Variants in ERCC6 observed in about 807,000 individuals in gnomAD.
The protein encoded by ERCC6 is DNA excision repair protein ERCC-6.
Under a neutral mutation model 158.7 loss-of-function variants are expected in ERCC6, and 116 were observed. The ratio of observed to expected loss-of-function variants is 0.73; its 90% CI spans 0.63 to 0.85. The LOEUF is 0.85. Among genes scored for constraint, ERCC6 ranks in the 40% least tolerant of loss-of-function variants. The probability of loss-of-function intolerance (pLI) is 0.00; values close to 1 mark genes in which losing one functional copy is unlikely to be tolerated. For synonymous variants in ERCC6, 678 were observed against 659.3 expected (o/e 1.03, Z -0.43); for missense variants, 1,698 against 1,799.4 (o/e 0.94, Z 1.02).
At chr10:49,453,125 T>C (rs1467970140), downstream of ERCC6, among the ~76,000 whole-genome samples, 1 of 152,152 alleles carries the variant, frequency 6.6e-6, no homozygotes, top group Non-Finnish European at 1.5e-5. Context: ...TCTTTTAATA[T>C]TGCCTTTTGC....
intron 1 of ERCC6, among the ~76,000 whole-genome samples, chr10:49,534,143 A>C (rs1322003430): frequency 3.4e-5 from 5 of 148,378 alleles, no homozygotes; most frequent in Admixed American, 6.7e-5. Flanking sequence ...CAAAAAAAAA[A>C]AAAAAAAAAA....
chr10:49,470,256 T>C lies in ERCC6; in HGVS notation c.3704A>G (p.Asp1235Gly). The change falls in exon 18 of 21, where the codon GAC becomes GGC. Residue 1235 changes from aspartate (D) to glycine (G), a missense_variant. By Grantham distance (94) the Asp-to-Gly change is moderately conservative. Coordinates refer to ENST00000355832, the MANE Select transcript of ERCC6 (RefSeq NM_000124.4). ...LVKKRRYQKQ[D>G]SENKSEAKEQ... ...CTTGGCCTCACTCTTGTTTTCACTG[T>C]CTTGCTTCTGGTAACGCCTTTTCTT... 7.4e-6 allele frequency: 12 copies of C among 1,614,210 alleles called. No homozygotes were observed. The highest frequency in any genetic ancestry group is 1.0e-5 in the Non-Finnish European group (12 of 1,180,034).
chr10:49,517,222 A>G (rs1408486031), intron 5 of ERCC6: 21 of 1,446,116 alleles, frequency 1.5e-5, no homozygotes, highest in Non-Finnish European at 1.8e-5. Context: ...CTAATGCAAT[A>G]ATAATACTTT....
downstream of ERCC6, among the ~76,000 whole-genome samples, chr10:49,449,551 T>C (rs1850394960): frequency 6.8e-6 from 1 of 148,016 alleles, no homozygotes; most frequent in African/African-American, 2.5e-5. Context: ...TTTGCTTTGA[T>C]AGTTAGGTCT....
At chr10:49,533,108 T>C (rs942446245) in intron 1 of ERCC6, 130 bp from the exon 2 acceptor site, 15 of 1,140,996 alleles carry the variant, frequency 1.3e-5, no homozygotes, top group African/African-American at 3.1e-5. Context: ...TAAATTCAAG[T>C]TTCCAAGTAT....
chr10:49,485,820 A>G (rs1186892712), intron 8 of ERCC6, among the ~76,000 whole-genome samples: 1 of 152,206 alleles, frequency 6.6e-6, no homozygotes, highest in African/African-American at 2.4e-5. Context: ...TATAAAACAG[A>G]AAACAAAATA....
rs113282441 is a variant in ERCC6, at chr10:49,507,146, C to T, written c.1398-1134G>A. ...TATCCATTACAAAACCACACAGAGC[C>T]CAATGCTAGTATGTAGGTAGCTACT... On this transcript the variant is annotated intron_variant, in intron 5 of 20. Transcript: ENST00000355832. Among the ~76,000 whole-genome samples, 94 of 152,190 alleles carry T rather than the reference C, an allele frequency of 6.2e-4. 1 individual carries two copies. The highest frequency in any genetic ancestry group is 2.2e-3 in the African/African-American group (90 of 41,528).
In ERCC6 at chr10:49,511,299, A is replaced by G. The variant is rs192681212; in HGVS notation, c.1398-5287T>C. On this transcript the variant is annotated intron_variant, in intron 5 of 20. Coordinates refer to ENST00000355832, the MANE Select transcript of ERCC6 (RefSeq NM_000124.4). ...TGGGAAAAAAGTCTAGACTTAAACT[A>G]TATTTACATTACTAGGAAGGAAATA... 3.3e-3 allele frequency among the ~76,000 whole-genome samples: 502 copies of G among 152,276 alleles called. 2 individuals are homozygous for G. Among genetic ancestry groups the G allele is most frequent in the Non-Finnish European group, 3.3e-3 (225 of 68,020 alleles).
chr10:49,494,780 A>G (rs1851236554), intron 7 of ERCC6, among the ~76,000 whole-genome samples: 2 of 152,204 alleles, frequency 1.3e-5, no homozygotes, highest in Non-Finnish European at 2.9e-5. Context: ...TTCTGGCTAC[A>G]TGTACAGACC....
chr10:49,537,508 T>TACAC (rs36057162), intron 1 of ERCC6, among the ~76,000 whole-genome samples: 25,661 of 145,494 alleles, frequency 0.18, 2,371 homozygotes, highest in South Asian at 0.31. Context: ...TATATACACA[T>TACAC]ACACACACAC....
At chr10:49,537,546 T>C (rs1837631413) in intron 1 of ERCC6, among the ~76,000 whole-genome samples, 1 of 151,004 alleles carries the variant, frequency 6.6e-6, no homozygotes, top group South Asian at 2.1e-4. Context: ...AATATAATTG[T>C]GGTGACTGCT....
Position 49,459,126 on chromosome 10 carries a change from C to A in ERCC6, c.4171G>T (p.Ala1391Ser). 1 of 1,614,170 alleles carries A rather than the reference C, an allele frequency of 6.2e-7. No homozygotes were observed. The highest frequency in any genetic ancestry group is 8.5e-7 in the Non-Finnish European group (1 of 1,180,038). Residue 1391 changes from alanine to serine, a missense_variant, in exon 21 of 21, where the codon GCT becomes TCT. Transcript: ENST00000355832. ...AGGTGGTTTCTAGCTCTCATTTTAG[C>A]CAAGAGTGAGGAGGAAGCGAGGGGC... Reference protein sequence around the residue: ...SGPLASSSLLAKMRARNHLIL... With the variant: ...SGPLASSSLLSKMRARNHLIL...
chr10:49,515,469 T>C (rs1347332444), intron 5 of ERCC6: 3 of 1,614,184 alleles, frequency 1.9e-6, no homozygotes, highest in Non-Finnish European at 1.7e-6. Context: ...ATTTATGCCA[T>C]CATAACGTGA....
intron 7 of ERCC6, among the ~76,000 whole-genome samples, chr10:49,500,200 T>G (rs1851333412): frequency 6.6e-6 from 1 of 152,230 alleles, no homozygotes; most frequent in Admixed American, 6.5e-5. Flanking sequence ...TTCCATATTG[T>G]GTAAACTATT....
downstream of ERCC6, among the ~76,000 whole-genome samples, chr10:49,451,005 G>A (rs902225724): frequency 1.3e-5 from 2 of 151,906 alleles, no homozygotes; most frequent in Non-Finnish European, 2.9e-5. Context: ...TGGAGACAGG[G>A]TTTCACCGTG....
intron 5 of ERCC6, among the ~76,000 whole-genome samples, chr10:49,522,148 T>C (rs1453449583): frequency 3.3e-5 from 5 of 152,232 alleles, no homozygotes; most frequent in Non-Finnish European, 7.3e-5. Flanking sequence ...TTTATTCTAA[T>C]CATCCATCGT....
Position 49,473,602 on chromosome 10 carries a change from G to T in ERCC6, c.2599-15C>A, listed in dbSNP as rs1366189558. 2.7e-6 allele frequency: 4 copies of T among 1,474,070 alleles called. No homozygotes were observed. The highest frequency in any genetic ancestry group is 3.8e-6 in the Non-Finnish European group (4 of 1,052,356). 91.3% of individuals were successfully genotyped at this position (1,474,070 alleles called of 1,614,324 possible). ...ATGTCCAGCATCTGTTTGGAGGTGG[G>T]GGATAGGAGTTTGCAAAGCAAATAC... On this transcript the variant is annotated splice_polypyrimidine_tract_variant and intron_variant, in intron 13 of 20. Transcript: ENST00000355832.
At position 49,505,957 on chromosome 10, in the gene ERCC6, C is replaced by T. The variant is rs750088876; in HGVS notation, c.1453G>A (p.Asp485Asn). ...AATTCAGCATCACTTTCCTCAGAAT[C>T]GTCCTCCAGCTTCAGACGTTTCTCT... is the stretch of plus-strand genomic sequence containing the variant. ...DKEKRLKLED[D>N]SEESDAEFDE... The change falls in exon 6 of 21, where the codon GAT becomes AAT. Residue 485 changes from aspartate to asparagine, a missense_variant. Coordinates refer to ENST00000355832, the MANE Select transcript of ERCC6 (RefSeq NM_000124.4). The T allele has an allele frequency of 6.2e-6, 10 of 1,613,532 alleles. No individual in the cohort carries two copies. Among genetic ancestry groups the T allele is most frequent in the Middle Eastern group, 1.7e-4 (1 of 6,056 alleles).
chr10:49,531,286 A>G (rs868429109), intron 2 of ERCC6, among the ~76,000 whole-genome samples: 40 of 152,338 alleles, frequency 2.6e-4, no homozygotes, highest in Middle Eastern at 6.8e-3. Context: ...ATCTGCGACA[A>G]TATTTTTCTT....
Sources: gnomAD v4.1 joint callset for allele counts (sites outside exome capture counted in the v4.1 genomes callset) on GRCh38, gnomAD v4.1.1 for gene constraint, MANE v1.5 for transcripts, NCBI Gene and HGNC (gene_info 2026-07-23, HGNC 2026-07-21) for gene names.